Variants in VAV2 observed in about 807,000 individuals in gnomAD.
VAV2 encodes the protein guanine nucleotide exchange factor VAV2.
Under a neutral mutation model 132.5 loss-of-function variants are expected in VAV2, and 67 were observed. The observed-to-expected ratio is 0.51, with a 90% CI of 0.42 to 0.62. The LOEUF is 0.62. Ranked by LOEUF, VAV2 falls within the 20% of genes least tolerant of loss-of-function variation. The pLI is 0.00. For synonymous variants in VAV2, 492 were observed against 443.5 expected, an observed-to-expected ratio of 1.11 and a Z score of -1.37; for missense variants, 938 against 1,153.6, an observed-to-expected ratio of 0.81 and a Z score of 2.71.
At chr9:133,799,425 G>A (rs1834846606) in intron 9 of VAV2, among the ~76,000 whole-genome samples, 2 of 152,186 alleles carry the variant, frequency 1.3e-5, no homozygotes, top group Admixed American at 6.5e-5. Flanking sequence ...ATGCGAGGCT[G>A]ACAGTCCACG....
intron 2 of VAV2, among the ~76,000 whole-genome samples, chr9:133,914,453 C>T (rs932317337): frequency 2.7e-5 from 4 of 149,808 alleles, no homozygotes; most frequent in South Asian, 2.2e-4. Context: ...AGGAACGAAG[C>T]GCTGACTTAG....
chr9:133,948,026 A>T (rs1841426688), intron 1 of VAV2, among the ~76,000 whole-genome samples: 1 of 152,038 alleles, frequency 6.6e-6, no homozygotes, highest in South Asian at 2.1e-4. Flanking sequence ...CCTGGCCTCA[A>T]GTGATCCACC....
rs1483155946 is a variant in VAV2, at chr9:133,884,222, C to G, written c.322-22790G>C. On this transcript the variant is annotated intron_variant, in intron 2 of 29. Coordinates refer to ENST00000371850, the MANE Select transcript of VAV2 (RefSeq NM_001134398.2). The surrounding 1 kb of genome is among the most constrained non-coding windows in gnomAD (Gnocchi z 5.3). ...ATCCAAAATAAATGGTAACCAACCC[C>G]CACGTGCACACGTGCAATGAAGCCA... Among the ~76,000 whole-genome samples the G allele has an allele frequency of 6.6e-6, 1 of 152,162 alleles. No homozygotes were observed. The highest frequency in any genetic ancestry group is 2.4e-5 in the African/African-American group (1 of 41,418).
In VAV2 at chr9:133,824,426, A is replaced by G. The variant is rs1440135487; in HGVS notation, c.449+9846T>C. Among the ~76,000 whole-genome samples, 1 of 147,010 alleles carries G rather than the reference A, an allele frequency of 6.8e-6. No homozygotes were observed. The highest frequency in any genetic ancestry group is 2.6e-5 in the African/African-American group (1 of 38,470). On this transcript the variant is annotated intron_variant, in intron 4 of 29. Coordinates refer to ENST00000371850, the MANE Select transcript of VAV2 (RefSeq NM_001134398.2). This position sits in a 1 kb window ranked among gnomAD's most constrained non-coding sequence, Gnocchi z 5.2. ...CGGCCCTCAGTTCCCGAGAACAGACATAGAAGAGACCCAGCCAGGACACTC... is the reference window on the plus strand; with the variant it reads ...CGGCCCTCAGTTCCCGAGAACAGACGTAGAAGAGACCCAGCCAGGACACTC...
In VAV2 at chr9:133,883,213, T is replaced by C. The variant is rs542841802; in HGVS notation, c.322-21781A>G. Among the ~76,000 whole-genome samples the C allele has an allele frequency of 2.0e-5, 3 of 152,344 alleles. No individual in the cohort carries two copies. Among genetic ancestry groups the C allele is most frequent in the Admixed American group, 1.3e-4 (2 of 15,310 alleles). On this transcript the variant is annotated intron_variant, in intron 2 of 29. Coordinates refer to ENST00000371850, the MANE Select transcript of VAV2 (RefSeq NM_001134398.2). This position sits in a 1 kb window ranked among gnomAD's most constrained non-coding sequence, Gnocchi z 4.2. Reference sequence around the variant, plus strand: ...CACCACTCCTGGAGCAGATGGGCCCTTCATCATTTGCTCATTTCACGTTCC... The same window carrying C: ...CACCACTCCTGGAGCAGATGGGCCCCTCATCATTTGCTCATTTCACGTTCC...
chr9:133,971,061 C>T (rs1479676179), intron 1 of VAV2, among the ~76,000 whole-genome samples: 2 of 152,188 alleles, frequency 1.3e-5, no homozygotes, highest in Admixed American at 6.5e-5. Flanking sequence ...CAGGAGCCCG[C>T]GGTGCCTCCT....
intron 2 of VAV2, among the ~76,000 whole-genome samples, chr9:133,902,907 C>T (rs1445748244): frequency 1.3e-5 from 2 of 152,020 alleles, no homozygotes; most frequent in African/African-American, 2.4e-5. Context: ...AAAACCCCAT[C>T]TCTACTAAAA....
intron 3 of VAV2, among the ~76,000 whole-genome samples, chr9:133,844,125 C>T (rs1228784916): frequency 2.0e-5 from 3 of 152,208 alleles, no homozygotes; most frequent in East Asian, 1.9e-4. Flanking sequence ...AAGAAATGCT[C>T]GGTCCCCTGC....
chr9:133,771,062 C>CTTT (rs148597917), intron 26 of VAV2, among the ~76,000 whole-genome samples: 45 of 117,678 alleles, frequency 3.8e-4, no homozygotes, highest in Non-Finnish European at 4.9e-4. Context: ...TATGGATTTT[C>CTTT]TTTTTTTTTT....
Position 133,789,299 on chromosome 9 carries a change from T to C in VAV2, c.1233A>G (p.Glu411=). The part of the protein sequence containing the change: ...EEFGRPKIDG[E]LKVRSIVNHT... Reference sequence around the variant, plus strand: ...GGTTGACTATGGACCGGACTTTCAGTTCCCCGTCAATCTTTGGTCTTCCAA... The same window carrying C: ...GGTTGACTATGGACCGGACTTTCAGCTCCCCGTCAATCTTTGGTCTTCCAA... The change falls in exon 14 of 30, where the codon GAA becomes GAG. Residue 411 remains glutamate, a synonymous_variant. Coordinates refer to ENST00000371850, the MANE Select transcript of VAV2 (RefSeq NM_001134398.2). The C allele has an allele frequency of 6.2e-7, 1 of 1,614,084 alleles. No individual in the cohort carries two copies. Among genetic ancestry groups the C allele is most frequent in the Non-Finnish European group, 8.5e-7 (1 of 1,180,010 alleles).
chr9:133,890,223 C>T (rs1588320097), intron 2 of VAV2, among the ~76,000 whole-genome samples: 1 of 152,302 alleles, frequency 6.6e-6, no homozygotes, highest in East Asian at 1.9e-4. Context: ...GGAGCCCAGG[C>T]CGGGAGTCTG....
chr9:133,848,780 C>T (rs1374071757), intron 3 of VAV2, among the ~76,000 whole-genome samples: 1 of 152,182 alleles, frequency 6.6e-6, no homozygotes, highest in African/African-American at 2.4e-5. Flanking sequence ...TCAGGCTCCC[C>T]TGAACTCCTG....
chr9:133,780,583 G>T (rs894713984), intron 20 of VAV2, 111 bp downstream of exon 20: 27 of 1,234,190 alleles, frequency 2.2e-5, no homozygotes, highest in African/African-American at 3.1e-5. Flanking sequence ...CATCCAAGCC[G>T]GTGTGGCCCC....
chr9:133,956,472 CGTTTT>C (rs1841784250), intron 1 of VAV2, among the ~76,000 whole-genome samples: 1 of 152,034 alleles, frequency 6.6e-6, no homozygotes, highest in African/African-American at 2.4e-5. Flanking sequence ...TGTTTTGTTT[CGTTTT>C]GTTTTTTTTC....
At chr9:133,820,011 T>C (rs1317646967) in intron 4 of VAV2, among the ~76,000 whole-genome samples, 1 of 152,234 alleles carries the variant, frequency 6.6e-6, no homozygotes, top group Non-Finnish European at 1.5e-5. Flanking sequence ...TTAACCAGTA[T>C]TTCTCCTATG....
intron 8 of VAV2, among the ~76,000 whole-genome samples, chr9:133,806,435 G>A (rs1017873079): frequency 4.6e-5 from 7 of 152,206 alleles, no homozygotes; most frequent in South Asian, 4.1e-4. Flanking sequence ...CATCAGACAC[G>A]CAGCGGCCGA....
intron 10 of VAV2, 30 bp from the exon 11 acceptor site, chr9:133,796,554 C>G (rs772918104): frequency 1.3e-6 from 2 of 1,599,352 alleles, no homozygotes; most frequent in Non-Finnish European, 1.7e-6. Context: ...ATGGGAGAGC[C>G]CTCCCCGAGG....
chr9:133,808,643 A>T (rs1174357953), intron 7 of VAV2, among the ~76,000 whole-genome samples: 1 of 152,114 alleles, frequency 6.6e-6, no homozygotes, highest in Non-Finnish European at 1.5e-5. Flanking sequence ...CCAGCCCCCC[A>T]TGGAAGCTTT....
At chr9:133,805,079 G>A (rs189499815) in intron 9 of VAV2, among the ~76,000 whole-genome samples, 6 of 152,266 alleles carry the variant, frequency 3.9e-5, no homozygotes, top group African/African-American at 1.4e-4. Flanking sequence ...CCCTGGGCCT[G>A]TCCCCGGCTG....
Sources: allele counts gnomAD v4.1 joint callset (sites outside exome capture counted in the v4.1 genomes callset), GRCh38; gene constraint gnomAD v4.1.1; non-coding constraint Gnocchi (gnomAD v3.1); transcripts MANE v1.5; gene names NCBI Gene and HGNC (gene_info 2026-07-23, HGNC 2026-07-21).